PDZK1: variants seen among roughly 807,000 people sequenced by gnomAD.
The protein encoded by PDZK1 is PDZ domain containing 1.
In PDZK1, 23 loss-of-function variants were observed where a neutral mutation model predicts 38.1. The ratio of observed to expected loss-of-function variants is 0.60; its 90% CI spans 0.43 to 0.85. The LOEUF is 0.85. Among genes scored for constraint, PDZK1 ranks in the 40% least tolerant of loss-of-function variants. The pLI is 0.00. For synonymous variants in PDZK1, 98 were observed against 186.2 expected (o/e 0.53, Z 3.86); for missense variants, 297 against 504.3 (o/e 0.59, Z 3.94).
intron 5 of PDZK1, among the ~76,000 whole-genome samples, chr1:145,679,940 C>G (rs1654070754): frequency 2.0e-5 from 3 of 152,222 alleles, no homozygotes; most frequent in Admixed American, 2.0e-4. Context: ...TGTCTCCTGA[C>G]TGTGTTCACA....
intron 3 of PDZK1, among the ~76,000 whole-genome samples, chr1:145,683,588 T>G: frequency 6.6e-6 from 1 of 152,176 alleles, no homozygotes; most frequent in East Asian, 1.9e-4. Flanking sequence ...TCTTCAAAGA[T>G]ATTAATAGAG....
At chr1:145,671,978 G>A (rs1653108174) in intron 8 of PDZK1, among the ~76,000 whole-genome samples, 2 of 151,732 alleles carry the variant, frequency 1.3e-5, no homozygotes, top group African/African-American at 4.8e-5. Flanking sequence ...CCCATTAGCA[G>A]AATTAATATA....
At chr1:145,697,384 G>C (rs1475463042) in intron 1 of PDZK1, among the ~76,000 whole-genome samples, 1 of 151,580 alleles carries the variant, frequency 6.6e-6, no homozygotes, top group African/African-American at 2.4e-5. Context: ...AAAGAAAGAG[G>C]AAGCAAAAAG....
At chr1:145,687,524 CAAAAAAAA>C (rs11420111) in intron 2 of PDZK1, among the ~76,000 whole-genome samples, 5 of 64,624 alleles carry the variant, frequency 7.7e-5, no homozygotes, top group African/African-American at 3.2e-4. Flanking sequence ...AACTCCATCT[CAAAAAAAA>C]AAAAAAAAAA....
chr1:145,676,155 T>G (rs1653643509), intron 6 of PDZK1: 1 of 984,152 alleles, frequency 1.0e-6, no homozygotes. Flanking sequence ...CTACAGGGCT[T>G]ACTTTGGAGA....
At chr1:145,695,773 G>C (rs2101923597) in intron 1 of PDZK1, among the ~76,000 whole-genome samples, 1 of 152,260 alleles carries the variant, frequency 6.6e-6, no homozygotes, top group South Asian at 2.1e-4. Flanking sequence ...ACGTGATAAA[G>C]GGCCTGCCTG....
intron 1 of PDZK1, among the ~76,000 whole-genome samples, chr1:145,698,699 C>T (rs949511588): frequency 2.6e-5 from 4 of 152,048 alleles, no homozygotes; most frequent in Non-Finnish European, 4.4e-5. Flanking sequence ...GAGGCCGAGA[C>T]GGGTGAATTA....
intron 1 of PDZK1, among the ~76,000 whole-genome samples, chr1:145,690,315 C>T (rs1480110256): frequency 6.6e-6 from 1 of 152,050 alleles, no homozygotes; most frequent in Non-Finnish European, 1.5e-5. Flanking sequence ...ATCCCTACAC[C>T]TTTCCATTTC....
chr1:145,673,108 A>G, intron 7 of PDZK1, 88 bp from the exon 8 acceptor site: 1 of 1,240,594 alleles, frequency 8.1e-7, no homozygotes, highest in East Asian at 2.3e-5. Flanking sequence ...GAGGAGCTCA[A>G]GAATTTATTT....
At chr1:145,703,477 A>G (rs1175253743) in intron 1 of PDZK1, among the ~76,000 whole-genome samples, 1 of 152,162 alleles carries the variant, frequency 6.6e-6, no homozygotes, top group African/African-American at 2.4e-5. Context: ...ACAAGGAAAA[A>G]GAAAAGAGAC....
intron 1 of PDZK1, among the ~76,000 whole-genome samples, chr1:145,702,227 C>A (rs1285941382): frequency 3.3e-5 from 5 of 152,156 alleles, no homozygotes; most frequent in African/African-American, 1.2e-4. Context: ...CTACCTCCAG[C>A]CACCATAAAC....
intron 3 of PDZK1, among the ~76,000 whole-genome samples, chr1:145,684,344 G>A (rs1654557422): frequency 6.6e-6 from 1 of 151,916 alleles, no homozygotes; most frequent in Non-Finnish European, 1.5e-5. Flanking sequence ...GAGTAGCTGG[G>A]ACTACAGGCG....
chr1:145,692,399 T>C (rs1482316588), intron 1 of PDZK1, among the ~76,000 whole-genome samples: 2 of 152,188 alleles, frequency 1.3e-5, no homozygotes, highest in Non-Finnish European at 2.9e-5. Flanking sequence ...TCCTATGAGC[T>C]TCCAGGTGTT....
intron 1 of PDZK1, among the ~76,000 whole-genome samples, chr1:145,696,521 G>A (rs1655637413): frequency 6.6e-6 from 1 of 152,214 alleles, no homozygotes; most frequent in South Asian, 2.1e-4. Context: ...AAAAGAGGAA[G>A]AGACATCAGA....
intron 1 of PDZK1, among the ~76,000 whole-genome samples, chr1:145,694,999 A>G (rs975828304): frequency 7.9e-5 from 12 of 152,022 alleles, no homozygotes; most frequent in Admixed American, 1.3e-4. Flanking sequence ...AATTAAGGAA[A>G]CCTTCAAAAA....
chr1:145,707,117 A>T (rs1553705860), intron 1 of PDZK1, among the ~76,000 whole-genome samples, 200 bp downstream of exon 1: 1 of 152,090 alleles, frequency 6.6e-6, no homozygotes, highest in African/African-American at 2.4e-5. Flanking sequence ...GGGCATCTCC[A>T]GCAGAAAGAA....
chr1:145,677,910 TAAAAAAAAAAA>T (rs71077285), intron 6 of PDZK1, among the ~76,000 whole-genome samples: 9 of 68,588 alleles, frequency 1.3e-4, no homozygotes, highest in Non-Finnish European at 2.1e-4. Flanking sequence ...GTGTTAAAAG[TAAAAAAAAAAA>T]AAAAAAAAAA....
At chr1:145,697,217 C>T (rs1553704274) in intron 1 of PDZK1, among the ~76,000 whole-genome samples, 1 of 151,952 alleles carries the variant, frequency 6.6e-6, no homozygotes, top group African/African-American at 2.4e-5. Context: ...AGCCCAGGTA[C>T]TTGGGAGGCT....
rs1553698282 is a variant in PDZK1, at chr1:145,672,806, G to C, written c.1430C>G (p.Pro477Arg). The C allele has an allele frequency of 1.9e-6, 3 of 1,611,794 alleles. No individual in the cohort carries two copies. Among genetic ancestry groups the C allele is most frequent in the Non-Finnish European group, 2.5e-6 (3 of 1,179,764 alleles). The change falls in exon 8 of 9, where the codon CCA becomes CGA. Residue 477 changes from proline to arginine, a missense_variant. Pro to Arg is a moderately radical substitution (Grantham distance 103). Coordinates refer to ENST00000417171, the MANE Select transcript of PDZK1 (RefSeq NM_001201325.2). ...TTTAGAATCTGGAGGGGTGTCAAGTGGATCAGCCAGGGAGGAAACAATAGG... is the reference window on the plus strand; with the variant it reads ...TTTAGAATCTGGAGGGGTGTCAAGTCGATCAGCCAGGGAGGAAACAATAGG... ...KIPIVSSLAD[P>R]LDTPPDSKEG...
Sources: allele counts gnomAD v4.1 joint callset (sites outside exome capture counted in the v4.1 genomes callset), GRCh38; gene constraint gnomAD v4.1.1; transcripts MANE v1.5; gene names NCBI Gene and HGNC (gene_info 2026-07-23, HGNC 2026-07-21).